The following TMED10 variants were observed in gnomAD, a reference collection of about 807,000 sequenced individuals.
TMED10 encodes transmembrane emp24 domain-containing protein 10.
A neutral mutation model predicts 23.1 loss-of-function variants in TMED10; 7 were observed. The observed-to-expected ratio is 0.30, with a 90% confidence interval of 0.17 to 0.57. TMED10 has a LOEUF of 0.57. Among genes scored for constraint, TMED10 ranks in the 20% least tolerant of loss-of-function variants. The pLI is 0.91. For missense variants in TMED10, 162 were observed against 274.8 expected, an observed-to-expected ratio of 0.59 and a Z score of 2.90; for synonymous variants, 113 against 106.9, an observed-to-expected ratio of 1.06 and a Z score of -0.35.
chr14:75,152,260 T>G, intron 1 of TMED10, 117 bp from the exon 2 acceptor site: 1 of 779,462 alleles, frequency 1.3e-6, no homozygotes, highest in Non-Finnish European at 2.0e-6. Flanking sequence ...CTCATTATGA[T>G]GACTATGTTC....
intron 1 of TMED10, among the ~76,000 whole-genome samples, chr14:75,164,571 A>ATTT (rs1896135085): frequency 9.2e-3 from 19 of 2,058 alleles, no homozygotes; most frequent in Non-Finnish European, 0.021. Context: ...ATATATATAT[A>ATTT]TATATATTTT....
chr14:75,171,110 A>G (rs961865765), intron 1 of TMED10, among the ~76,000 whole-genome samples: 1 of 152,098 alleles, frequency 6.6e-6, no homozygotes, highest in Non-Finnish European at 1.5e-5. Flanking sequence ...AGATTATCAC[A>G]AGGGTCCTTA....
rs1255485159 is a variant in TMED10 at position 75,133,332 on chromosome 14, A to G, written c.*1553T>C. ...GACCTAAATAGAAAATAGACAAAAG[A>G]CATGAAGACATTTCACCGAAGAGGA... is the stretch of plus-strand genomic sequence containing the variant. On this transcript the variant is annotated 3_prime_UTR_variant, in exon 5 of 5. Transcript: ENST00000303575. 6.6e-6 allele frequency: 1 copy of G among 152,270 alleles called. No homozygotes were observed. The highest frequency in any genetic ancestry group is 1.5e-5 in the Non-Finnish European group (1 of 68,048). The allele number at this position is 152,270 out of a possible 1,614,324, so 9.4% of individuals were successfully genotyped here. A position where few individuals can be genotyped will look rare whatever the true frequency, so the allele number is the denominator to read the frequency against.
intron 1 of TMED10, among the ~76,000 whole-genome samples, chr14:75,167,090 C>T (rs1896174404): frequency 6.6e-6 from 1 of 151,968 alleles, no homozygotes; most frequent in Admixed American, 6.6e-5. Context: ...CACAGGTGCA[C>T]ACTACCACGC....
At chr14:75,166,377 G>A (rs910389728) in intron 1 of TMED10, among the ~76,000 whole-genome samples, 1 of 152,122 alleles carries the variant, frequency 6.6e-6, no homozygotes, top group Non-Finnish European at 1.5e-5. Flanking sequence ...ATGCATATGG[G>A]GGCAATGGCT....
chr14:75,131,661 A>G lies in TMED10; in HGVS notation c.*3224T>C, dbSNP rs552470311. On this transcript the variant is annotated 3_prime_UTR_variant, in exon 5 of 5. Coordinates refer to ENST00000303575, the MANE Select transcript of TMED10 (RefSeq NM_006827.6). ...CATTCTCATTTATATTATACAGACC[A>G]TTTTGGATAATATGCTCAAAAATGG... The G allele has an allele frequency of 6.6e-6, 1 of 152,666 alleles. No individual in the cohort carries two copies. The highest frequency in any genetic ancestry group is 2.1e-4 in the South Asian group (1 of 4,826). 9.5% of individuals were successfully genotyped at this position (152,666 alleles called of 1,614,324 possible).
intron 3 of TMED10, among the ~76,000 whole-genome samples, chr14:75,137,568 G>A (rs1366299111): frequency 1.0e-4 from 15 of 150,230 alleles, no homozygotes; most frequent in African/African-American, 1.9e-4. Flanking sequence ...CCAGCTACTC[G>A]GGAGGCTGCG....
chr14:75,145,232 C>T (rs1895868661), intron 3 of TMED10, among the ~76,000 whole-genome samples: 1 of 152,182 alleles, frequency 6.6e-6, no homozygotes. Context: ...AGGAAGCAGG[C>T]AAAGGAAGCA....
chr14:75,135,668 C>T (rs1895740393), intron 4 of TMED10, 92 bp downstream of exon 4: 1 of 1,542,604 alleles, frequency 6.5e-7, no homozygotes, highest in African/African-American at 1.4e-5. Context: ...CCCACCTTGG[C>T]AAAACTGAGA....
At chr14:75,148,086 CA>C (rs932669904) in intron 2 of TMED10, among the ~76,000 whole-genome samples, 9 of 151,950 alleles carry the variant, frequency 5.9e-5, no homozygotes, top group African/African-American at 2.2e-4. Context: ...ACTCAAAAAT[CA>C]AAACAGTGTG....
At chr14:75,172,005 G>A (rs1896240446) in intron 1 of TMED10, among the ~76,000 whole-genome samples, 1 of 151,624 alleles carries the variant, frequency 6.6e-6, no homozygotes, top group Admixed American at 6.6e-5. Flanking sequence ...ATAGGTATAC[G>A]TGTGCCATGG....
intron 3 of TMED10, among the ~76,000 whole-genome samples, chr14:75,140,670 T>C (rs2139834168): frequency 6.6e-6 from 1 of 152,274 alleles, no homozygotes; most frequent in South Asian, 2.1e-4. Context: ...ATGGCACCGC[T>C]GCACTCCAGC....
chr14:75,167,067 G>A (rs1010471059), intron 1 of TMED10, among the ~76,000 whole-genome samples: 7 of 150,638 alleles, frequency 4.6e-5, no homozygotes, highest in African/African-American at 9.8e-5. Context: ...TCAGCCTCCT[G>A]AGTAGCTGGG....
At chr14:75,136,792 A>G (rs1895755829) in intron 3 of TMED10, 1 of 152,310 alleles carries the variant, frequency 6.6e-6, no homozygotes, top group Admixed American at 6.5e-5. Context: ...CCAGTTATCA[A>G]AAGAAATCTT....
intron 1 of TMED10, among the ~76,000 whole-genome samples, chr14:75,162,071 C>G (rs1036442610): frequency 2.6e-5 from 4 of 152,098 alleles, no homozygotes; most frequent in Admixed American, 6.6e-5. Flanking sequence ...TCAAGACCAG[C>G]CTGGCCAACA....
rs71119349 is a variant in TMED10 at position 75,147,185 on chromosome 14, G to GTTTTTTTTTTTTTTT, written c.411+464_411+478dup. ...ACAGCCAGAATTATTCTTCAAGGCTGTTTTTTTTTTTTTTTTTTTTTGAGA... is the reference window on the plus strand; with the variant it reads ...ACAGCCAGAATTATTCTTCAAGGCTGTTTTTTTTTTTTTTTTTTTTTTTTTTTTTTTTTTTTGAGA... On this transcript the variant is annotated intron_variant, in intron 3 of 4. Transcript: ENST00000303575. Among the ~76,000 whole-genome samples the GTTTTTTTTTTTTTTT allele has an allele frequency of 1.5e-3, 175 of 116,590 alleles. 11 individuals are homozygous for GTTTTTTTTTTTTTTT. The highest frequency in any genetic ancestry group is 6.1e-3 in the African/African-American group (159 of 26,266). The allele number at this position is 116,590 out of a possible 152,430, so 76.5% of individuals were successfully genotyped here.
Position 75,156,916 on chromosome 14 carries a change from AAAAAGAAAAG to A in TMED10, c.226-4783_226-4774del, listed in dbSNP as rs57658115. 1.6e-3 allele frequency among the ~76,000 whole-genome samples: 220 copies of A among 135,574 alleles called. 1 individual carries two copies. Among genetic ancestry groups the A allele is most frequent in the South Asian group, 7.5e-3 (31 of 4,134 alleles). The allele number at this position is 135,574 out of a possible 152,430, so 88.9% of individuals were successfully genotyped here. ...TGACAGAGCAAGACTCCGTCTCAAA[AAAAAGAAAAG>A]AAAAGAAAAGAAAAGAAAAGAAAAG... On this transcript the variant is annotated intron_variant, in intron 1 of 4. Transcript: ENST00000303575.
intron 1 of TMED10, among the ~76,000 whole-genome samples, chr14:75,157,951 A>G (rs1358044840): frequency 2.0e-5 from 3 of 152,154 alleles, no homozygotes; most frequent in African/African-American, 7.2e-5. Flanking sequence ...AAAAAAAAAA[A>G]GAAGTAAAAA....
intron 1 of TMED10, among the ~76,000 whole-genome samples, chr14:75,157,806 G>A (rs1011531052): frequency 6.6e-6 from 1 of 151,958 alleles, no homozygotes; most frequent in Non-Finnish European, 1.5e-5. Context: ...TGGGCGTAGT[G>A]GCAGGTGCCT....
Sources: allele counts gnomAD v4.1 joint callset (sites outside exome capture counted in the v4.1 genomes callset), GRCh38; gene constraint gnomAD v4.1.1; transcripts MANE v1.5; gene names NCBI Gene and HGNC (gene_info 2026-07-23, HGNC 2026-07-21).